The following NDUFAF1 variants were observed in gnomAD, a reference collection of about 807,000 sequenced individuals.
The protein encoded by NDUFAF1 is NADH:ubiquinone oxidoreductase complex assembly factor 1, also known as complex I intermediate-associated protein 30, mitochondrial.
NDUFAF1 carries 18 observed loss-of-function variants against 28.7 expected under a neutral mutation model. The ratio of observed to expected loss-of-function variants is 0.63; its 90% CI spans 0.43 to 0.93. The LOEUF is 0.93. Ranked by LOEUF, NDUFAF1 falls within the 40% of genes least tolerant of loss-of-function variation. NDUFAF1 has a pLI of 0.00. For synonymous variants in NDUFAF1, 113 were observed against 139.7 expected (o/e 0.81, Z 1.35); for missense variants, 404 against 398.3 (o/e 1.01, Z -0.12).
At chr15:41,398,880 A>C (rs2140927340) in intron 1 of NDUFAF1, among the ~76,000 whole-genome samples, 1 of 151,932 alleles carries the variant, frequency 6.6e-6, no homozygotes, top group East Asian at 1.9e-4. Flanking sequence ...ACTTGAACCC[A>C]GGAGGCGGAG....
At position 41,395,058 on chromosome 15, in the gene NDUFAF1, A is replaced by C. The variant is rs1438186653; in HGVS notation, c.574-14T>G. The C allele has an allele frequency of 2.5e-6, 4 of 1,612,204 alleles. No homozygotes were observed. The highest frequency in any genetic ancestry group is 2.5e-6 in the Non-Finnish European group (3 of 1,179,024). ...CTCAAAAGCACCCTAAGATATTGAA[A>C]GTAAAGTTCATTGTACCTCATTCTC... On this transcript the variant is annotated splice_polypyrimidine_tract_variant and intron_variant, in intron 2 of 4. Coordinates refer to ENST00000260361, the MANE Select transcript of NDUFAF1 (RefSeq NM_016013.4).
chr15:41,387,468 C>A lies in NDUFAF1; in HGVS notation c.960G>T (p.Glu320Asp). The A allele has an allele frequency of 6.2e-7, 1 of 1,613,820 alleles. No individual in the cohort carries two copies. The highest frequency in any genetic ancestry group is 8.5e-7 in the Non-Finnish European group (1 of 1,179,754). ...TEEFAYENSP[E>D]LNPRLFK ...TTTATTTAAAAAGCCTTGGGTTAAG[C>A]TCTGGAGAATTTTCATAGGCAAATT... The change falls in exon 5 of 5, where the codon GAG becomes GAT. Residue 320 changes from glutamate (E) to aspartate (D), a missense_variant. Glu to Asp is a conservative substitution (Grantham distance 45, BLOSUM62 2). Coordinates refer to ENST00000260361, the MANE Select transcript of NDUFAF1 (RefSeq NM_016013.4).
Position 41,401,167 on chromosome 15 carries a change from T to C in NDUFAF1, c.-82+977A>G, listed in dbSNP as rs566454826. ...TTTTTCAGTAGAGATGAGGTTCCAC[T>C]ATGTTGGCCAGAGTGGTCTCGAACT... is the stretch of plus-strand genomic sequence containing the variant. On this transcript the variant is annotated intron_variant, in intron 1 of 4. Coordinates refer to ENST00000260361, the MANE Select transcript of NDUFAF1 (RefSeq NM_016013.4). 2.6e-3 allele frequency among the ~76,000 whole-genome samples: 388 copies of C among 151,650 alleles called. 1 individual carries two copies. Among genetic ancestry groups the C allele is most frequent in the African/African-American group, 8.9e-3 (367 of 41,346 alleles).
At chr15:41,394,480 A>G (rs1400706179) in intron 3 of NDUFAF1, 4 of 745,308 alleles carry the variant, frequency 5.4e-6, no homozygotes, top group Non-Finnish European at 8.1e-6. Context: ...AAAAATATTC[A>G]CTAGTTAGTA....
At position 41,395,634 on chromosome 15, in the gene NDUFAF1, TGTG is replaced by T. The variant is rs1248028024; in HGVS notation, c.574-593_574-591del. 4.7e-5 allele frequency among the ~76,000 whole-genome samples: 7 copies of T among 148,782 alleles called. No individual in the cohort carries two copies. In the East Asian group the frequency reaches 1.4e-3, roughly 30 times the overall value. ...ATCCGCCCACCTTGGCCACCCAAAG[TGTG>T]GGGATTACAGGCATGAGCCACTGCG... On this transcript the variant is annotated intron_variant, in intron 2 of 4. Transcript: ENST00000260361.
intron 1 of NDUFAF1, among the ~76,000 whole-genome samples, chr15:41,399,051 T>C (rs2050428042): frequency 1.3e-5 from 2 of 151,114 alleles, no homozygotes; most frequent in South Asian, 4.2e-4. Context: ...AAATGACTTG[T>C]CGTCAGGAGT....
At chr15:41,393,816 C>T (rs1266187147) in intron 3 of NDUFAF1, among the ~76,000 whole-genome samples, 2 of 151,954 alleles carry the variant, frequency 1.3e-5, no homozygotes, top group African/African-American at 4.8e-5. Context: ...CGTGATCTGC[C>T]CACCTCGGCC....
At chr15:41,395,185 G>C (rs1595406410) in intron 2 of NDUFAF1, 141 bp from the exon 3 acceptor site, 1 of 756,844 alleles carries the variant, frequency 1.3e-6, no homozygotes, top group African/African-American at 1.7e-5. Flanking sequence ...CATAAACCCA[G>C]TGATTATTAT....
intron 2 of NDUFAF1, among the ~76,000 whole-genome samples, chr15:41,395,504 G>A (rs1351599614): frequency 6.6e-6 from 1 of 150,736 alleles, no homozygotes; most frequent in African/African-American, 2.4e-5. Flanking sequence ...CGAATAGCTG[G>A]TACTATAGGC....
chr15:41,398,574 T>A (rs997819523), intron 1 of NDUFAF1, among the ~76,000 whole-genome samples: 2 of 151,866 alleles, frequency 1.3e-5, no homozygotes, highest in Admixed American at 1.3e-4. Context: ...CTTGAACTCC[T>A]GGGCCCTGGA....
Position 41,396,698 on chromosome 15 carries a change from G to C in NDUFAF1, c.362C>G (p.Ala121Gly), listed in dbSNP as rs201292698. The C allele has an allele frequency of 7.4e-6, 12 of 1,614,100 alleles. No individual in the cohort carries two copies. In the East Asian group the frequency reaches 2.7e-4, roughly 36 times the overall value. ...HPLHEVLLEQ[A>G]KVVWQFRGKE... is the part of the protein sequence containing the mutation. The stretch of plus-strand genomic sequence containing the variant: ...CCCCCGGAATTGCCAGACAACCTTG[G>C]CTTGTTCCAGCAAGACCTCATGCAG... Residue 121 changes from alanine (A) to glycine (G), a missense_variant, in exon 2 of 5, where the codon GCC becomes GGC. Transcript: ENST00000260361.
At position 41,396,699 on chromosome 15, in the gene NDUFAF1, C is replaced by T; in HGVS notation, c.361G>A (p.Ala121Thr). ...HPLHEVLLEQ[A>T]KVVWQFRGKE... Reference sequence around the variant, plus strand: ...CCCCGGAATTGCCAGACAACCTTGGCTTGTTCCAGCAAGACCTCATGCAGA... The same window carrying T: ...CCCCGGAATTGCCAGACAACCTTGGTTTGTTCCAGCAAGACCTCATGCAGA... Residue 121 changes from alanine (A) to threonine (T), a missense_variant, in exon 2 of 5, where the codon GCC becomes ACC. Ala to Thr is a moderately conservative substitution (Grantham distance 58). Coordinates refer to ENST00000260361, the MANE Select transcript of NDUFAF1 (RefSeq NM_016013.4). 1 of 1,614,186 alleles carries T rather than the reference C, an allele frequency of 6.2e-7. No individual in the cohort carries two copies. The highest frequency in any genetic ancestry group is 8.5e-7 in the Non-Finnish European group (1 of 1,180,052).
rs980089258 is a variant in NDUFAF1 at position 41,395,136 on chromosome 15, A to G, written c.574-92T>C. ...CAAGTCAGCATCATCAACAGGATGC[A>G]CTAACCATTTTTCTGACTTTCTGCC... On this transcript the variant is annotated intron_variant, in intron 2 of 4. Coordinates refer to ENST00000260361, the MANE Select transcript of NDUFAF1 (RefSeq NM_016013.4). 5 of 1,190,550 alleles carry G rather than the reference A, an allele frequency of 4.2e-6. No individual in the cohort carries two copies. In the Admixed American group the frequency reaches 7.8e-5, roughly 19 times the overall value. 73.7% of individuals were successfully genotyped at this position (1,190,550 alleles called of 1,614,324 possible). A position where few individuals can be genotyped will look rare whatever the true frequency, so the allele number is the denominator to read the frequency against.
chr15:41,388,462 G>A lies in NDUFAF1; in HGVS notation c.820C>T (p.Leu274Phe), dbSNP rs1426593736. The A allele has an allele frequency of 6.2e-7, 1 of 1,611,942 alleles. No individual in the cohort carries two copies. The highest frequency in any genetic ancestry group is 8.5e-7 in the Non-Finnish European group (1 of 1,178,074). Residue 274 changes from leucine to phenylalanine, a missense_variant, in exon 4 of 5, where the codon CTT becomes TTT. By Grantham distance (22) the Leu-to-Phe change is conservative (BLOSUM62 0). Transcript: ENST00000260361. ...RGRIRDVQHE[L>F]PLDKISSIGF... ...GAATATGTTACCTTATCAAGCGGAA[G>A]CTCATGCTGAACATCCCGGATTCTT...
chr15:41,395,337 T>C (rs1225365010), intron 2 of NDUFAF1, among the ~76,000 whole-genome samples: 2 of 152,102 alleles, frequency 1.3e-5, no homozygotes, highest in African/African-American at 2.4e-5. Flanking sequence ...CCTGGTCGTA[T>C]GGAGCAATGA....
intron 1 of NDUFAF1, among the ~76,000 whole-genome samples, chr15:41,401,267 CTTT>C (rs755063294): frequency 3.6e-5 from 4 of 111,216 alleles, no homozygotes; most frequent in Admixed American, 2.0e-4. Flanking sequence ...GGCGCCCAAC[CTTT>C]TTTTTTTTTT....
intron 1 of NDUFAF1, among the ~76,000 whole-genome samples, chr15:41,399,786 G>A (rs1328072869): frequency 1.2e-4 from 17 of 147,282 alleles, no homozygotes; most frequent in African/African-American, 4.0e-4. Context: ...AACCCGGGAG[G>A]CGGAGCTTGC....
rs776413471 is a variant in NDUFAF1, at chr15:41,395,968, G to A, written c.573+519C>T. Among the ~76,000 whole-genome samples, 197 of 151,658 alleles carry A rather than the reference G, an allele frequency of 1.3e-3. 1 individual carries two copies. The highest frequency in any genetic ancestry group is 2.2e-3 in the Non-Finnish European group (151 of 67,882). ...CTGGGCGTGGTGGTGTGCACCAGTA[G>A]TCCCAGCTACTCAGGAGGCTGAGGC... On this transcript the variant is annotated intron_variant, in intron 2 of 4. Coordinates refer to ENST00000260361, the MANE Select transcript of NDUFAF1 (RefSeq NM_016013.4).
At chr15:41,396,405 CAA>C (rs1413544257) in intron 2 of NDUFAF1, 80 bp downstream of exon 2, 1 of 1,393,256 alleles carries the variant, frequency 7.2e-7, no homozygotes, top group Non-Finnish European at 1.0e-6. Flanking sequence ...TTTACAGAAA[CAA>C]AAGCTATCTT....
Sources: gnomAD v4.1 joint callset for allele counts (sites outside exome capture counted in the v4.1 genomes callset) on GRCh38, gnomAD v4.1.1 for gene constraint, MANE v1.5 for transcripts, NCBI Gene and HGNC (gene_info 2026-07-23, HGNC 2026-07-21) for gene names.